Variants in EYS observed in about 807,000 individuals in gnomAD.
EYS encodes protein eyes shut homolog.
A neutral mutation model predicts 282.1 loss-of-function variants in EYS; 250 were observed. That is an observed-to-expected ratio of 0.89 (90% CI 0.80 to 0.98). The LOEUF (loss-of-function observed/expected upper bound fraction) is 0.98. Among genes scored for constraint, EYS ranks in the 50% least tolerant of loss-of-function variants. The pLI is 0.00. For synonymous variants in EYS, 1,355 were observed against 1,282.9 expected, an observed-to-expected ratio of 1.06 and a Z score of -1.20; for missense variants, 4,016 against 3,709.0, an observed-to-expected ratio of 1.08 and a Z score of -2.15.
At chr6:64,162,172 A>G (rs1775127243) in intron 31 of EYS, among the ~76,000 whole-genome samples, 1 of 152,162 alleles carries the variant, frequency 6.6e-6, no homozygotes, top group East Asian at 1.9e-4. Flanking sequence ...AGGAGAGAAC[A>G]TTATTTGAGA....
Position 65,672,706 on chromosome 6 carries a change from A to G in EYS, c.-447-32814T>C, listed in dbSNP as rs531699013. On this transcript the variant is annotated intron_variant, in intron 1 of 42. Coordinates refer to ENST00000503581, the MANE Select transcript of EYS (RefSeq NM_001142800.2). ...AAATTCAAAATTAACCATTGTAAAGATGCTCAATGAATACAGAAAATAAAT... is the reference window on the plus strand; with the variant it reads ...AAATTCAAAATTAACCATTGTAAAGGTGCTCAATGAATACAGAAAATAAAT... Among the ~76,000 whole-genome samples, 199 of 152,296 alleles carry G rather than the reference A, an allele frequency of 1.3e-3. 1 individual carries two copies. Among genetic ancestry groups the G allele is most frequent in the African/African-American group, 4.6e-3 (191 of 41,582 alleles).
chr6:63,772,116 C>T (rs1267710212), intron 40 of EYS, among the ~76,000 whole-genome samples: 1 of 149,688 alleles, frequency 6.7e-6, no homozygotes, highest in Non-Finnish European at 1.5e-5. Flanking sequence ...GTTATTGTTT[C>T]TAAATCTTTT....
At position 63,721,465 on chromosome 6, in the gene EYS, G is replaced by A; in HGVS notation, c.8566C>T (p.Gln2856Ter). 1 of 1,551,444 alleles carries A rather than the reference G, an allele frequency of 6.4e-7. No individual in the cohort carries two copies. The highest frequency in any genetic ancestry group is 2.0e-5 in the Admixed American group (1 of 50,970). Residue 2856 changes from glutamine to a stop codon, truncating the protein, a stop_gained, in exon 43 of 43, where the codon CAA becomes TAA. Transcript: ENST00000503581. LOFTEE classifies it low-confidence loss of function (END_TRUNC). ...GCIRQVIINN[Q>*]ELQLTEFGAK... ...CCAAATTCAGTTAATTGTAATTCTT[G>A]ATTATTTATGATAACTTGTCGGATA...
chr6:64,148,798 G>A (rs997070359), intron 31 of EYS, among the ~76,000 whole-genome samples: 1 of 152,128 alleles, frequency 6.6e-6, no homozygotes, highest in South Asian at 2.1e-4. Context: ...ATGATTGGAA[G>A]TCAAAACACC....
chr6:64,880,711 A>G (rs1166050304), intron 19 of EYS, among the ~76,000 whole-genome samples: 1 of 150,286 alleles, frequency 6.7e-6, no homozygotes, highest in Non-Finnish European at 1.5e-5. Flanking sequence ...AGTTAATACC[A>G]TATAAGGCAA....
chr6:65,330,717 T>TTATAA (rs1769764948), intron 11 of EYS: 13 of 952,174 alleles, frequency 1.4e-5, no homozygotes, highest in Non-Finnish European at 1.6e-5. Context: ...TTATTTTGCC[T>TTATAA]TATAAATTGA....
At chr6:64,625,284 T>G (rs866290993) in intron 23 of EYS, among the ~76,000 whole-genome samples, 2 of 152,112 alleles carry the variant, frequency 1.3e-5, no homozygotes, top group Admixed American at 1.3e-4. Flanking sequence ...TGATCAAAGG[T>G]AGAGATGGCC....
At chr6:65,687,026 G>T (rs140012322) in intron 1 of EYS, among the ~76,000 whole-genome samples, 1 of 151,828 alleles carries the variant, frequency 6.6e-6, no homozygotes, top group Non-Finnish European at 1.5e-5. Context: ...GAAATAAAAG[G>T]CATAATATAT....
Position 63,799,023 on chromosome 6 carries a change from T to A in EYS, c.7411+7167A>T, listed in dbSNP as rs866470520. 4.8e-3 allele frequency among the ~76,000 whole-genome samples: 486 copies of A among 100,712 alleles called. 1 individual carries two copies. Among genetic ancestry groups the A allele is most frequent in the Non-Finnish European group, 7.3e-3 (361 of 49,536 alleles). The allele number at this position is 100,712 out of a possible 152,430, so 66.1% of individuals were successfully genotyped here. A position where few individuals can be genotyped will look rare whatever the true frequency, so the allele number is the denominator to read the frequency against. On this transcript the variant is annotated intron_variant, in intron 37 of 42. Coordinates refer to ENST00000503581, the MANE Select transcript of EYS (RefSeq NM_001142800.2). ...TATATATATATATATATATATATAA[T>A]TTTTTTTTTTGAGACAGTTTCACTC...
At chr6:64,985,202 C>A (rs1004387825) in intron 14 of EYS, among the ~76,000 whole-genome samples, 1 of 151,550 alleles carries the variant, frequency 6.6e-6, no homozygotes, top group East Asian at 1.9e-4. Flanking sequence ...AATATTTCCA[C>A]AAGCCTGCGA....
At chr6:63,972,387 G>C (rs1766618121) in intron 35 of EYS, among the ~76,000 whole-genome samples, 1 of 152,158 alleles carries the variant, frequency 6.6e-6, no homozygotes, top group Non-Finnish European at 1.5e-5. Flanking sequence ...GAAATGGTTA[G>C]TGGCATACTT....
chr6:64,609,371 T>C (rs986011320), intron 24 of EYS, among the ~76,000 whole-genome samples: 2 of 152,274 alleles, frequency 1.3e-5, no homozygotes, highest in East Asian at 3.9e-4. Flanking sequence ...AAGTGTAGCA[T>C]GTGCAAAGAC....
At chr6:65,175,621 G>T (rs1281956875) in intron 12 of EYS, among the ~76,000 whole-genome samples, 1 of 151,426 alleles carries the variant, frequency 6.6e-6, no homozygotes, top group Non-Finnish European at 1.5e-5. Flanking sequence ...TTATAAATGA[G>T]TAACAAATAT....
intron 34 of EYS, among the ~76,000 whole-genome samples, chr6:63,988,189 TG>T (rs544312911): frequency 1.7e-4 from 26 of 151,796 alleles, no homozygotes; most frequent in African/African-American, 5.8e-4. Context: ...CTAAGATAAG[TG>T]ATCCACTGTT....
At chr6:65,496,377 A>AT (rs1032028646) in intron 2 of EYS, among the ~76,000 whole-genome samples, 13 of 151,528 alleles carry the variant, frequency 8.6e-5, no homozygotes, top group Admixed American at 3.9e-4. Context: ...ATATTGACCT[A>AT]TTTTTTTTTA....
chr6:65,552,966 T>G (rs1768654725), intron 2 of EYS, among the ~76,000 whole-genome samples: 1 of 152,134 alleles, frequency 6.6e-6, no homozygotes, highest in Non-Finnish European at 1.5e-5. Context: ...TCACTATCTG[T>G]TGTTTCTTTT....
intron 12 of EYS, among the ~76,000 whole-genome samples, chr6:65,266,041 G>C: frequency 6.9e-6 from 1 of 144,230 alleles, no homozygotes; most frequent in East Asian, 1.9e-4. Flanking sequence ...TGTTTGCCTT[G>C]TAAGTAAGAA....
At chr6:64,194,655 G>A (rs948475434) in intron 31 of EYS, among the ~76,000 whole-genome samples, 19 of 152,170 alleles carry the variant, frequency 1.2e-4, no homozygotes, top group Admixed American at 1.2e-3. Context: ...TTTTAGCCCA[G>A]ATAATGTTAA....
intron 2 of EYS, among the ~76,000 whole-genome samples, chr6:65,625,742 T>G (rs1393702003): frequency 6.6e-6 from 1 of 152,210 alleles, no homozygotes; most frequent in Non-Finnish European, 1.5e-5. Context: ...AACTATTTTG[T>G]TTTGTTTTAT....
Sources: allele counts gnomAD v4.1 joint callset (sites outside exome capture counted in the v4.1 genomes callset), GRCh38; gene constraint gnomAD v4.1.1; transcripts MANE v1.5; gene names NCBI Gene and HGNC (gene_info 2026-07-23, HGNC 2026-07-21).